PLXDC2: variants seen among roughly 807,000 people sequenced by gnomAD.
PLXDC2 encodes the protein plexin domain containing 2.
In PLXDC2, 40 loss-of-function variants were observed where a neutral mutation model predicts 68.9. That is an observed-to-expected ratio of 0.58 (90% CI 0.45 to 0.76). PLXDC2 has a LOEUF of 0.76. PLXDC2 is among the 30% of genes least tolerant of loss of function. PLXDC2 has a pLI of 0.00. For missense variants in PLXDC2, 644 were observed against 661.9 expected (o/e 0.97, Z 0.30); for synonymous variants, 243 against 234.2 (o/e 1.04, Z -0.34).
chr10:20,018,121 A>G (rs1390882057), intron 2 of PLXDC2, among the ~76,000 whole-genome samples: 1 of 152,218 alleles, frequency 6.6e-6, no homozygotes, highest in Non-Finnish European at 1.5e-5. Context: ...CAGTGATGGC[A>G]AAACAAAATA....
chr10:19,920,760 G>A (rs1007461631), intron 1 of PLXDC2, among the ~76,000 whole-genome samples: 2 of 152,068 alleles, frequency 1.3e-5, no homozygotes, highest in African/African-American at 4.8e-5. Flanking sequence ...GTTTCGCCTT[G>A]TTGCCCAGGC....
At chr10:20,245,747 C>T (rs1166556428) in intron 13 of PLXDC2, among the ~76,000 whole-genome samples, 1 of 152,152 alleles carries the variant, frequency 6.6e-6, no homozygotes, top group East Asian at 1.9e-4. Flanking sequence ...TCTTGTCTTT[C>T]TAAGATCTAA....
chr10:20,006,001 C>A (rs1051407636), intron 2 of PLXDC2, among the ~76,000 whole-genome samples: 1 of 151,982 alleles, frequency 6.6e-6, no homozygotes, highest in Non-Finnish European at 1.5e-5. Context: ...ATCAGCGTGG[C>A]CAACAAGGTG....
At chr10:20,238,696 C>CACACATATGTGTATATATAT (rs1554777591) in intron 12 of PLXDC2, among the ~76,000 whole-genome samples, 3 of 113,260 alleles carry the variant, frequency 2.6e-5, no homozygotes, top group Admixed American at 9.5e-5. Context: ...TATATATACA[C>CACACATATGTGTATATATAT]ACATATATAT....
chr10:19,948,391 T>TTTC (rs1491395877), intron 1 of PLXDC2, among the ~76,000 whole-genome samples: 3 of 20,352 alleles, frequency 1.5e-4, no homozygotes, highest in Middle Eastern at 0.012. Context: ...TCTTTCTTTC[T>TTTC]TTTTTTTTTT....
intron 4 of PLXDC2, among the ~76,000 whole-genome samples, chr10:20,109,520 A>G (rs935409956): frequency 6.6e-6 from 1 of 152,186 alleles, no homozygotes; most frequent in Admixed American, 6.5e-5. Context: ...ATTATACCAG[A>G]GTCTTTCTTC....
At chr10:19,891,254 C>A (rs1837956823) in intron 1 of PLXDC2, among the ~76,000 whole-genome samples, 1 of 152,098 alleles carries the variant, frequency 6.6e-6, no homozygotes, top group Admixed American at 6.5e-5. Flanking sequence ...TACCAAAATG[C>A]AATATTATAG....
At chr10:20,073,644 A>G (rs1408614776) in intron 4 of PLXDC2, among the ~76,000 whole-genome samples, 1 of 152,176 alleles carries the variant, frequency 6.6e-6, no homozygotes, top group Non-Finnish European at 1.5e-5. Flanking sequence ...TGGAATCTGA[A>G]AGCATTCATT....
intron 1 of PLXDC2, among the ~76,000 whole-genome samples, chr10:19,861,632 A>T (rs1419329539): frequency 6.6e-6 from 1 of 152,028 alleles, no homozygotes; most frequent in Admixed American, 6.6e-5. Context: ...TATTCTTTTC[A>T]TTCATGGTTC....
chr10:20,136,509 T>G (rs1833934991), intron 4 of PLXDC2, among the ~76,000 whole-genome samples: 2 of 152,178 alleles, frequency 1.3e-5, no homozygotes, highest in Non-Finnish European at 2.9e-5. Flanking sequence ...TCACAATAAC[T>G]GCAAACCCGC....
At chr10:19,910,826 T>C (rs11595339) in intron 1 of PLXDC2, among the ~76,000 whole-genome samples, 16,651 of 151,696 alleles carry the variant, frequency 0.11, 915 homozygotes, top group African/African-American at 0.12. Context: ...CTAGTGAACA[T>C]AGTGAAACCC....
At position 20,049,587 on chromosome 10, in the gene PLXDC2, C is replaced by T. The variant is rs182301566; in HGVS notation, c.471+2572C>T. The stretch of plus-strand genomic sequence containing the variant: ...CCAACAGCCACACCAAGAGTCAAAT[C>T]GGGAAGGCAATCTCATTCACAATTG... On this transcript the variant is annotated intron_variant, in intron 3 of 13. Coordinates refer to ENST00000377252, the MANE Select transcript of PLXDC2 (RefSeq NM_032812.9). 1.5e-3 allele frequency among the ~76,000 whole-genome samples: 231 copies of T among 151,896 alleles called. 1 individual carries two copies. The highest frequency in any genetic ancestry group is 3.4e-3 in the Middle Eastern group (1 of 294).
chr10:19,914,189 T>G (rs890895306), intron 1 of PLXDC2, among the ~76,000 whole-genome samples: 17 of 151,864 alleles, frequency 1.1e-4, no homozygotes, highest in African/African-American at 4.1e-4. Flanking sequence ...GAAATTACTT[T>G]GAGAATCATT....
At chr10:20,117,937 AT>A in intron 4 of PLXDC2, among the ~76,000 whole-genome samples, 1 of 152,124 alleles carries the variant, frequency 6.6e-6, no homozygotes, top group Non-Finnish European at 1.5e-5. Context: ...TGCTTCCTGG[AT>A]TTTACTGCAG....
intron 1 of PLXDC2, among the ~76,000 whole-genome samples, chr10:19,986,939 T>G (rs565120628): frequency 6.6e-6 from 1 of 152,356 alleles, no homozygotes; most frequent in African/African-American, 2.4e-5. Flanking sequence ...ACACTGGAAG[T>G]GCTCAAGGCT....
intron 1 of PLXDC2, among the ~76,000 whole-genome samples, chr10:19,993,513 G>A (rs550243200): frequency 7.9e-5 from 12 of 152,226 alleles, no homozygotes; most frequent in African/African-American, 2.4e-4. Context: ...TCTGCCTCCC[G>A]GGTTCAAGCA....
At position 20,177,352 on chromosome 10, in the gene PLXDC2, G is replaced by A. The variant is rs754188191; in HGVS notation, c.1004G>A (p.Gly335Asp). 3.1e-5 allele frequency: 50 copies of A among 1,605,722 alleles called. No homozygotes were observed. Among genetic ancestry groups the A allele is most frequent in the Admixed American group, 8.3e-5 (5 of 59,912 alleles). Residue 335 changes from glycine (G) to aspartate (D), a missense_variant, in exon 9 of 14, where the codon GGC becomes GAC. Physicochemically the swap from Gly to Asp is moderately conservative, Grantham distance 94 (BLOSUM62 -1). Around this residue, in one of 3 missense-constraint regions of PLXDC2, gnomAD observed 330 missense variants for 327.9 expected, o/e 1.01. Coordinates refer to ENST00000377252, the MANE Select transcript of PLXDC2 (RefSeq NM_032812.9). Reference sequence around the variant, plus strand: ...GCATGCCTCCAGTTTAACAGATGTGGCCCCTGTGTATCTTCTCAGATTGGC... The same window carrying A: ...GCATGCCTCCAGTTTAACAGATGTGACCCCTGTGTATCTTCTCAGATTGGC... ...LPTCLQFNRC[G>D]PCVSSQIGFN... is the part of the protein sequence containing the mutation.
intron 1 of PLXDC2, among the ~76,000 whole-genome samples, chr10:19,988,481 T>A (rs549883979): frequency 6.6e-6 from 1 of 152,284 alleles, no homozygotes; most frequent in African/African-American, 2.4e-5. Flanking sequence ...TATTTAAGAT[T>A]AGGTCTCAAG....
chr10:20,283,863 T>C lies in PLXDC2; in HGVS notation c.*4044T>C, dbSNP rs1208045959. ...ACTATTTGGAACTTAATGTAAACCT[T>C]TGCACATGCAGACTATATAAAGGGA... On this transcript the variant is annotated 3_prime_UTR_variant, in exon 14 of 14. Coordinates refer to ENST00000377252, the MANE Select transcript of PLXDC2 (RefSeq NM_032812.9). 6.6e-6 allele frequency: 1 copy of C among 152,206 alleles called. No homozygotes were observed. Among genetic ancestry groups the C allele is most frequent in the Non-Finnish European group, 1.5e-5 (1 of 68,030 alleles). The allele number at this position is 152,206 out of a possible 1,614,324, so 9.4% of individuals were successfully genotyped here.
Sources: gnomAD v4.1 joint callset for allele counts (sites outside exome capture counted in the v4.1 genomes callset) on GRCh38, gnomAD v4.1.1 for gene constraint, gnomAD v4.1.1 regional missense constraint, MANE v1.5 for transcripts, NCBI Gene and HGNC (gene_info 2026-07-23, HGNC 2026-07-21) for gene names.